Variants in USP42 observed in about 807,000 individuals in gnomAD.
USP42 encodes the protein ubiquitin specific peptidase 42.
USP42 carries 23 observed loss-of-function variants against 113.0 expected under a neutral mutation model. The observed-to-expected ratio is 0.20, with a 90% confidence interval of 0.15 to 0.29. The LOEUF (loss-of-function observed/expected upper bound fraction) is 0.29. USP42 is among the 10% of genes least tolerant of loss of function. The pLI is 1.00. For synonymous variants in USP42, 933 were observed against 699.0 expected (o/e 1.33, Z -5.28); for missense variants, 2,174 against 1,779.8 (o/e 1.22, Z -3.99).
rs1782475714 is a variant in USP42 at position 6,156,829 on chromosome 7, A to G, written c.3717A>G (p.Lys1239=). The change falls in exon 16 of 18, where the codon AAA becomes AAG. Residue 1239 remains lysine, a synonymous_variant. Transcript: ENST00000306177. ...DLHRHKKKKK[K]KKRHSRKSED... ...ACAGACACAAAAAAAAGAAGAAGAA[A>G]AAGAAGAGACATTCAAGAAAATCAG... The G allele has an allele frequency of 4.4e-6, 7 of 1,609,046 alleles. No homozygotes were observed. Among genetic ancestry groups the G allele is most frequent in the Non-Finnish European group, 5.9e-6 (7 of 1,178,658 alleles).
intron 3 of USP42, among the ~76,000 whole-genome samples, chr7:6,129,589 G>A (rs891682616): frequency 1.3e-5 from 2 of 150,136 alleles, no homozygotes; most frequent in Non-Finnish European, 3.0e-5. Context: ...GACGAGGCGC[G>A]GTGGCTCATG....
intron 1 of USP42, 115 bp from the exon 2 acceptor site, chr7:6,111,010 T>A (rs1779569552): frequency 9.7e-7 from 1 of 1,026,662 alleles, no homozygotes; most frequent in Non-Finnish European, 1.4e-6. Flanking sequence ...ATTTGAGTGA[T>A]GTGTTTGAAA....
the USP42 span, among the ~76,000 whole-genome samples, chr7:6,090,856 C>A: frequency 1.4e-5 from 2 of 146,600 alleles, no homozygotes; most frequent in Admixed American, 6.8e-5. Context: ...ATATAACTAA[C>A]TTCTATTAGT....
At chr7:6,111,769 A>ATTTT (rs375859355) in intron 2 of USP42, 49 of 139,306 alleles carry the variant, frequency 3.5e-4, no homozygotes, top group African/African-American at 8.5e-4. Flanking sequence ...AGCCCGGCTA[A>ATTTT]TTTTTTTTTT....
rs1782653247 is a variant in USP42, at chr7:6,159,515, T to A, written c.*36+22T>A. ...TATGGTAAGCTGTTTTCCTGTCTGT[T>A]TCCTCATTGTTTGTGGTGGCGCTGA... On this transcript the variant is annotated intron_variant, in intron 17 of 17. Transcript: ENST00000306177. This position sits in a 1 kb window ranked among gnomAD's most constrained non-coding sequence, Gnocchi z 4.1. 1 of 1,609,670 alleles carries A rather than the reference T, an allele frequency of 6.2e-7. No individual in the cohort carries two copies. The highest frequency in any genetic ancestry group is 1.7e-5 in the Admixed American group (1 of 59,836).
At position 6,127,531 on chromosome 7, in the gene USP42, G is replaced by C. The variant is rs533764994; in HGVS notation, c.443-8310G>C. Among the ~76,000 whole-genome samples, 20 of 151,990 alleles carry C rather than the reference G, an allele frequency of 1.3e-4. No homozygotes were observed. In the South Asian group the frequency reaches 4.2e-3, roughly 32 times the overall value. ...TTTGCTCCAGCGTCATTTTCTTGAA[G>C]AAGCTGTCTTTGTTGAATTGCTTTT... On this transcript the variant is annotated intron_variant, in intron 3 of 17. Coordinates refer to ENST00000306177, the MANE Select transcript of USP42 (RefSeq NM_032172.3).
the USP42 span, among the ~76,000 whole-genome samples, chr7:6,087,224 G>A: frequency 2.1e-5 from 3 of 145,234 alleles, no homozygotes; most frequent in Admixed American, 6.8e-5. Flanking sequence ...TAGAGAAGGC[G>A]TTCACCATGT....
chr7:6,153,767 CAG>C lies in USP42; in HGVS notation c.2218_2219del (p.Arg740GlyfsTer77). 1 of 1,466,640 alleles carries C rather than the reference CAG, an allele frequency of 6.8e-7. No homozygotes were observed. The highest frequency in any genetic ancestry group is 9.0e-7 in the Non-Finnish European group (1 of 1,106,784). The allele number at this position is 1,466,640 out of a possible 1,614,324, so 90.9% of individuals were successfully genotyped here. On this transcript the variant is annotated frameshift_variant, in exon 15 of 18. Transcript: ENST00000306177. LOFTEE classifies it high-confidence loss of function. Reference sequence around the variant, plus strand: ...TTTGGGGGCTGCAGTGCACCTGGAGCAGAGAGGGGCCCTCCCGAGGACCGCGA... The same window carrying C: ...TTTGGGGGCTGCAGTGCACCTGGAGCAGAGGGGCCCTCCCGAGGACCGCGA...
the USP42 span, chr7:6,084,316 C>G: frequency 1.3e-5 from 2 of 151,506 alleles, no homozygotes; most frequent in African/African-American, 4.9e-5. Context: ...TGTGAGCCAC[C>G]ACACCCAGCC....
chr7:6,086,381 ATT>A, the USP42 span, among the ~76,000 whole-genome samples: 1 of 149,978 alleles, frequency 6.7e-6, no homozygotes, highest in Non-Finnish European at 1.5e-5. Context: ...AATTTTTTGT[ATT>A]TTTAATAGAG....
intron 3 of USP42, among the ~76,000 whole-genome samples, chr7:6,131,916 G>A (rs1236729146): frequency 1.3e-5 from 2 of 152,058 alleles, no homozygotes; most frequent in Non-Finnish European, 2.9e-5. Flanking sequence ...ATTCTCATGG[G>A]GTGTAGAATT....
At chr7:6,142,454 GA>G (rs1781484685) in intron 7 of USP42, among the ~76,000 whole-genome samples, 1 of 152,140 alleles carries the variant, frequency 6.6e-6, no homozygotes, top group African/African-American at 2.4e-5. Flanking sequence ...CTGACCTCAT[GA>G]TCTGCCTGCC....
At chr7:6,145,220 A>G (rs1175507631) in intron 9 of USP42, among the ~76,000 whole-genome samples, 1 of 151,672 alleles carries the variant, frequency 6.6e-6, no homozygotes, top group Non-Finnish European at 1.5e-5. Context: ...AATCCCGGCT[A>G]CTCGGGAGGC....
chr7:6,129,350 G>C (rs1000054556), intron 3 of USP42, among the ~76,000 whole-genome samples: 12 of 148,900 alleles, frequency 8.1e-5, no homozygotes. Context: ...GAGGTCAGGA[G>C]TTTGAGACCA....
intron 14 of USP42, among the ~76,000 whole-genome samples, chr7:6,151,115 A>G (rs968544035): frequency 6.6e-6 from 1 of 152,226 alleles, no homozygotes; most frequent in Non-Finnish European, 1.5e-5. Context: ...AAAATATGGT[A>G]TAAGAGGAAA....
intron 4 of USP42, among the ~76,000 whole-genome samples, chr7:6,136,824 A>G (rs553918808): frequency 3.2e-4 from 47 of 147,646 alleles, no homozygotes; most frequent in Middle Eastern, 7.0e-3. Context: ...TTTTTTTTTC[A>G]AGTGAGACTG....
At chr7:6,151,990 A>C (rs1034501987) in intron 14 of USP42, among the ~76,000 whole-genome samples, 2 of 152,170 alleles carry the variant, frequency 1.3e-5, no homozygotes, top group East Asian at 3.9e-4. Context: ...AAGGCCCTTC[A>C]AGGATTCTGA....
In USP42 at chr7:6,154,460, G is replaced by C. The variant is rs1436905998; in HGVS notation, c.2906G>C (p.Ser969Thr). ...RSSSGEPARE[S>T]RSKTEGHRHR... is the part of the protein sequence containing the mutation. Reference sequence around the variant, plus strand: ...TCCAGCGGGGAGCCCGCCAGAGAGAGCAGGAGCAAGACTGAGGGCCACCGT... The same window carrying C: ...TCCAGCGGGGAGCCCGCCAGAGAGACCAGGAGCAAGACTGAGGGCCACCGT... The change falls in exon 15 of 18, where the codon AGC becomes ACC. Residue 969 changes from serine (S) to threonine (T), a missense_variant. Coordinates refer to ENST00000306177, the MANE Select transcript of USP42 (RefSeq NM_032172.3). 1.3e-6 allele frequency: 2 copies of C among 1,562,716 alleles called. No homozygotes were observed. The highest frequency in any genetic ancestry group is 8.7e-7 in the Non-Finnish European group (1 of 1,154,958).
the USP42 span, among the ~76,000 whole-genome samples, chr7:6,083,317 G>T: frequency 6.7e-6 from 1 of 148,856 alleles, no homozygotes; most frequent in African/African-American, 2.6e-5. Flanking sequence ...GTGCAGTGGT[G>T]CTATCTTGGC....
Sources: allele counts gnomAD v4.1 joint callset (sites outside exome capture counted in the v4.1 genomes callset), GRCh38; gene constraint gnomAD v4.1.1; non-coding constraint Gnocchi (gnomAD v3.1); transcripts MANE v1.5; gene names NCBI Gene and HGNC (gene_info 2026-07-23, HGNC 2026-07-21).